WDR36: variants seen among roughly 807,000 people sequenced by gnomAD.
WDR36 encodes the protein WD repeat-containing protein 36.
WDR36 carries 63 observed loss-of-function variants against 112.7 expected under a neutral mutation model. The ratio of observed to expected loss-of-function variants is 0.56; its 90% confidence interval spans 0.46 to 0.69. The LOEUF (loss-of-function observed/expected upper bound fraction) is 0.69, where lower values mean the gene tolerates loss of function less well. WDR36 is among the 30% of genes least tolerant of loss of function. WDR36 has a pLI of 0.00. For synonymous variants in WDR36, 410 were observed against 362.2 expected (o/e 1.13, Z -1.50); for missense variants, 1,226 against 1,070.3 (o/e 1.15, Z -2.03).
chr5:111,119,680 A>G (rs1753525902), intron 17 of WDR36, among the ~76,000 whole-genome samples: 1 of 152,148 alleles, frequency 6.6e-6, no homozygotes, highest in Non-Finnish European at 1.5e-5. Flanking sequence ...TCCTAACTTT[A>G]TATCTGTATT....
chr5:111,111,519 G>A (rs1000135911), intron 15 of WDR36: 1 of 428,396 alleles, frequency 2.3e-6, no homozygotes, highest in Non-Finnish European at 4.3e-6. Context: ...TCTAAACAAG[G>A]CCAAAGTATA....
At chr5:111,120,624 G>A (rs1279198539) in intron 18 of WDR36, 31 bp downstream of exon 18, 1 of 1,546,084 alleles carries the variant, frequency 6.5e-7, no homozygotes. Context: ...TAATTTTTGA[G>A]GTGTAATATT....
chr5:111,123,908 A>G lies in WDR36; in HGVS notation c.2252A>G (p.Asn751Ser). 6.2e-7 allele frequency: 1 copy of G among 1,613,800 alleles called. No individual in the cohort carries two copies. Among genetic ancestry groups the G allele is most frequent in the Non-Finnish European group, 8.5e-7 (1 of 1,179,914 alleles). ...CCCAGATATGCTGCACCTGAACAAA[A>G]TAATGATCCCCAGCAGGTAAAAAAC... The part of the protein sequence containing the change: ...LVPRYAAPEQ[N>S]NDPQQSKVVN... Residue 751 changes from asparagine to serine, a missense_variant, in exon 20 of 23, where the codon AAT becomes AGT. By Grantham distance (46) the Asn-to-Ser change is conservative. Coordinates refer to ENST00000513710, the MANE Select transcript of WDR36 (RefSeq NM_139281.3).
At chr5:111,094,877 A>G in intron 1 of WDR36, 43 bp from the exon 2 acceptor site, 2 of 1,480,694 alleles carry the variant, frequency 1.4e-6, no homozygotes, top group East Asian at 2.3e-5. Flanking sequence ...TATTATGATT[A>G]TGTTTGTTAA....
intron 12 of WDR36, among the ~76,000 whole-genome samples, chr5:111,109,094 C>T (rs1753274086): frequency 6.6e-6 from 1 of 151,138 alleles, no homozygotes; most frequent in Non-Finnish European, 1.5e-5. Flanking sequence ...GAAGAGAATG[C>T]CAGGAGCAGG....
chr5:111,104,062 T>C, intron 7 of WDR36, 115 bp from the exon 8 acceptor site: 2 of 1,375,238 alleles, frequency 1.5e-6, no homozygotes, highest in Non-Finnish European at 2.0e-6. Context: ...ATGAATAGAT[T>C]ATTGGTATAT....
intron 2 of WDR36, 49 bp downstream of exon 2, chr5:111,094,996 TA>T (rs1752946025): frequency 2.6e-6 from 4 of 1,531,812 alleles, no homozygotes; most frequent in Non-Finnish European, 3.6e-6. Context: ...ACTTTTTTTT[TA>T]TTTTGACATA....
rs904065057 is a variant in WDR36 at position 111,127,595 on chromosome 5, C to A, written c.*712C>A. ...TATTTCAGTGACAGATTAAAACTTTCTAACAGTGGCCTAGTGCTTTCTCCA... is the reference window on the plus strand; with the variant it reads ...TATTTCAGTGACAGATTAAAACTTTATAACAGTGGCCTAGTGCTTTCTCCA... On this transcript the variant is annotated 3_prime_UTR_variant, in exon 23 of 23. Coordinates refer to ENST00000513710, the MANE Select transcript of WDR36 (RefSeq NM_139281.3). 4.8e-6 allele frequency: 1 copy of A among 210,266 alleles called. No homozygotes were observed. The highest frequency in any genetic ancestry group is 2.3e-5 in the African/African-American group (1 of 44,074). The allele number at this position is 210,266 out of a possible 1,614,324, so 13.0% of individuals were successfully genotyped here. A position where few individuals can be genotyped will look rare whatever the true frequency, so the allele number is the denominator to read the frequency against.
rs573854912 is a variant in WDR36, at chr5:111,102,870, A to G, written c.597+471A>G. ...TTTTTAATGAATCTGCAAAATATGTATAAATAAATGAATGCATGTCTACAG... is the reference window on the plus strand; with the variant it reads ...TTTTTAATGAATCTGCAAAATATGTGTAAATAAATGAATGCATGTCTACAG... On this transcript the variant is annotated intron_variant, in intron 6 of 22. Transcript: ENST00000513710. Among the ~76,000 whole-genome samples the G allele has an allele frequency of 5.3e-5, 8 of 151,856 alleles. No individual in the cohort carries two copies. The East Asian group carries it at 5.8e-4, about 11-fold the overall frequency.
chr5:111,115,626 GTTC>G (rs1234590374), intron 16 of WDR36, among the ~76,000 whole-genome samples: 1 of 151,966 alleles, frequency 6.6e-6, no homozygotes, highest in African/African-American at 2.4e-5. Flanking sequence ...GAAATTCCTA[GTTC>G]TTCTTTCAAT....
chr5:111,102,509 G>A, intron 6 of WDR36, 110 bp downstream of exon 6: 1 of 1,083,724 alleles, frequency 9.2e-7, no homozygotes, highest in Non-Finnish European at 1.4e-6. Flanking sequence ...ATATAGCTTA[G>A]TTTACCTTTA....
At chr5:111,094,358 T>C (rs1023796877) in intron 1 of WDR36, among the ~76,000 whole-genome samples, 2 of 152,154 alleles carry the variant, frequency 1.3e-5, no homozygotes, top group African/African-American at 4.8e-5. Flanking sequence ...TTTTCCAGGG[T>C]CATACAGCTG....
chr5:111,122,731 G>A (rs192549354), intron 19 of WDR36, among the ~76,000 whole-genome samples: 92 of 152,232 alleles, frequency 6.0e-4, no homozygotes, highest in African/African-American at 2.2e-3. Flanking sequence ...TCCCTAGGGC[G>A]GCATAGCTCC....
At chr5:111,114,472 G>A (rs144859321) in intron 16 of WDR36, among the ~76,000 whole-genome samples, 7 of 152,282 alleles carry the variant, frequency 4.6e-5, no homozygotes, top group African/African-American at 1.4e-4. Context: ...CTTCGAGTTC[G>A]AAACAGGCCT....
At chr5:111,125,261 G>A (rs1002299488) in intron 21 of WDR36, among the ~76,000 whole-genome samples, 4 of 151,970 alleles carry the variant, frequency 2.6e-5, no homozygotes, top group East Asian at 3.9e-4. Flanking sequence ...TGTATGTATC[G>A]TTATAGGCTT....
At chr5:111,110,432 T>G in intron 13 of WDR36, 129 bp downstream of exon 13, 1 of 772,770 alleles carries the variant, frequency 1.3e-6, no homozygotes, top group South Asian at 1.5e-5. Flanking sequence ...ATCAACCCTA[T>G]ATGGCAGATA....
Position 111,130,064 on chromosome 5 carries a change from A to G in WDR36, c.*3181A>G. 4.7e-6 allele frequency: 1 copy of G among 210,890 alleles called. No individual in the cohort carries two copies. The highest frequency in any genetic ancestry group is 9.6e-6 in the Non-Finnish European group (1 of 103,882). 13.1% of individuals were successfully genotyped at this position (210,890 alleles called of 1,614,324 possible). A position where few individuals can be genotyped will look rare whatever the true frequency, so the allele number is the denominator to read the frequency against. The stretch of plus-strand genomic sequence containing the variant: ...CTCAGATTTGGGTAAAGCCTTCCTC[A>G]TGTTCTATAAAAATTGGTTAACTGC... On this transcript the variant is annotated 3_prime_UTR_variant, in exon 23 of 23. Transcript: ENST00000513710.
chr5:111,114,936 G>A (rs946734087), intron 16 of WDR36, among the ~76,000 whole-genome samples: 2 of 152,122 alleles, frequency 1.3e-5, no homozygotes, highest in Non-Finnish European at 2.9e-5. Context: ...TGGTAAATTC[G>A]TCTTTGGAAT....
intron 3 of WDR36, among the ~76,000 whole-genome samples, chr5:111,097,383 G>A (rs1178961778): frequency 6.6e-6 from 1 of 152,110 alleles, no homozygotes; most frequent in Admixed American, 6.5e-5. Context: ...CAGTTTCTTT[G>A]CCAGAGATGA....
Sources: gnomAD v4.1 joint callset for allele counts (sites outside exome capture counted in the v4.1 genomes callset) on GRCh38, gnomAD v4.1.1 for gene constraint, MANE v1.5 for transcripts, NCBI Gene and HGNC (gene_info 2026-07-23, HGNC 2026-07-21) for gene names.